TTC7B: variants seen among roughly 807,000 people sequenced by gnomAD.
TTC7B encodes tetratricopeptide repeat protein 7B.
Under a neutral mutation model 106.8 loss-of-function variants are expected in TTC7B, and 28 were observed. That is an observed-to-expected ratio of 0.26 (90% CI 0.19 to 0.36). The LOEUF is 0.36. Among genes scored for constraint, TTC7B ranks in the 10% least tolerant of loss-of-function variants. The pLI, the probability that TTC7B is intolerant of heterozygous loss-of-function variation, is 1.00. For synonymous variants in TTC7B, 405 were observed against 430.6 expected, an observed-to-expected ratio of 0.94 and a Z score of 0.74; for missense variants, 862 against 1,076.4, an observed-to-expected ratio of 0.80 and a Z score of 2.79.
intron 9 of TTC7B, chr14:90,675,068 CCCCTA>C (rs750974617): frequency 0.13 from 19,724 of 152,498 alleles, 1,535 homozygotes; most frequent in Middle Eastern, 0.19. Context: ...TGATGACCAC[CCCCTA>C]GAACGTTCAC....
chr14:90,640,289 G>A (rs1885119622), intron 15 of TTC7B, among the ~76,000 whole-genome samples: 1 of 151,574 alleles, frequency 6.6e-6, no homozygotes. Flanking sequence ...AAAAAAAAGA[G>A]AGAGAGAAAG....
At chr14:90,766,658 T>C in intron 3 of TTC7B, 1 of 1,247,276 alleles carries the variant, frequency 8.0e-7, no homozygotes, top group Non-Finnish European at 1.2e-6. Context: ...TATGTTCATG[T>C]GGTGTTGAGG....
chr14:90,677,459 C>T (rs1886884982), intron 8 of TTC7B, among the ~76,000 whole-genome samples: 2 of 152,228 alleles, frequency 1.3e-5, no homozygotes, highest in Admixed American at 1.3e-4. Context: ...TTTAATTTCT[C>T]TACAGATTCC....
At chr14:90,800,683 C>CGGGT in intron 1 of TTC7B, among the ~76,000 whole-genome samples, 1 of 152,054 alleles carries the variant, frequency 6.6e-6, no homozygotes, top group Non-Finnish European at 1.5e-5. Context: ...CAGTGGCGGA[C>CGGGT]GCCTGTAGTC....
intron 3 of TTC7B, among the ~76,000 whole-genome samples, chr14:90,780,393 AAGAG>A (rs753328169): frequency 2.0e-5 from 3 of 149,952 alleles, no homozygotes; most frequent in Non-Finnish European, 4.4e-5. Context: ...AAAAAAAAGA[AAGAG>A]AGAAAGAAAC....
chr14:90,606,300 A>G (rs1257784565), intron 17 of TTC7B, among the ~76,000 whole-genome samples: 1 of 152,116 alleles, frequency 6.6e-6, no homozygotes, highest in African/African-American at 2.4e-5. Flanking sequence ...GCACTTTGGG[A>G]AAAAAGCCGG....
intron 15 of TTC7B, among the ~76,000 whole-genome samples, chr14:90,623,754 C>T (rs1358774047): frequency 6.6e-6 from 1 of 152,220 alleles, no homozygotes; most frequent in Non-Finnish European, 1.5e-5. Flanking sequence ...GGCGCTGTGG[C>T]TCACGCCTGT....
intron 1 of TTC7B, among the ~76,000 whole-genome samples, chr14:90,795,862 T>C (rs913301445): frequency 6.6e-6 from 1 of 152,200 alleles, no homozygotes; most frequent in African/African-American, 2.4e-5. Flanking sequence ...AGCCCAGCCA[T>C]GCTGAGCTCA....
In TTC7B at chr14:90,654,894, A is replaced by T. The variant is rs1885880748; in HGVS notation, c.1459+99T>A. 3.1e-6 allele frequency: 3 copies of T among 963,330 alleles called. No individual in the cohort carries two copies. In the South Asian group the frequency reaches 4.2e-5, roughly 14 times the overall value. 59.7% of individuals were successfully genotyped at this position (963,330 alleles called of 1,614,324 possible). A position where few individuals can be genotyped will look rare whatever the true frequency, so the allele number is the denominator to read the frequency against. On this transcript the variant is annotated intron_variant, in intron 12 of 19. Coordinates refer to ENST00000328459, the MANE Select transcript of TTC7B (RefSeq NM_001010854.2). ...CACACCAGAATGCCCCAGCTTCTGC[A>T]CCCTCCTGAGACAGAAGGGGACTGT...
At chr14:90,617,558 G>C (rs1893136150) in intron 16 of TTC7B, among the ~76,000 whole-genome samples, 1 of 152,176 alleles carries the variant, frequency 6.6e-6, no homozygotes, top group African/African-American at 2.4e-5. Context: ...TATTGCTGCA[G>C]GAACCCCATC....
At chr14:90,740,648 C>T (rs952308500) in intron 4 of TTC7B, among the ~76,000 whole-genome samples, 1 of 151,786 alleles carries the variant, frequency 6.6e-6, no homozygotes, top group East Asian at 1.9e-4. Context: ...ATTACAGGCT[C>T]CTGCCACCAT....
At chr14:90,682,585 C>T (rs1265304923) in intron 7 of TTC7B, among the ~76,000 whole-genome samples, 4 of 152,202 alleles carry the variant, frequency 2.6e-5, no homozygotes, top group African/African-American at 9.7e-5. Flanking sequence ...TTGGGGCCTT[C>T]CTTTTGTGGC....
At chr14:90,646,560 C>T (rs1420950758) in intron 14 of TTC7B, among the ~76,000 whole-genome samples, 2 of 152,196 alleles carry the variant, frequency 1.3e-5, no homozygotes, top group Non-Finnish European at 2.9e-5. Flanking sequence ...AACCAGACGC[C>T]AATCAGGGCT....
chr14:90,639,546 TG>T (rs1428697070), intron 15 of TTC7B, among the ~76,000 whole-genome samples: 1 of 152,236 alleles, frequency 6.6e-6, no homozygotes, highest in Non-Finnish European at 1.5e-5. Flanking sequence ...CACCAAGTAT[TG>T]GTGTATGGAA....
chr14:90,775,608 C>G (rs1327577198), intron 3 of TTC7B, among the ~76,000 whole-genome samples: 1 of 152,070 alleles, frequency 6.6e-6, no homozygotes, highest in African/African-American at 2.4e-5. Context: ...ACAGGAGGAG[C>G]CCAGCTCCTC....
chr14:90,680,043 C>G (rs377328478), intron 8 of TTC7B, among the ~76,000 whole-genome samples: 2 of 152,360 alleles, frequency 1.3e-5, no homozygotes, highest in African/African-American at 4.8e-5. Flanking sequence ...ATAGATCCAA[C>G]AAATGACTTA....
intron 1 of TTC7B, among the ~76,000 whole-genome samples, chr14:90,790,853 T>G (rs1233640199): frequency 1.3e-5 from 2 of 151,848 alleles, no homozygotes; most frequent in South Asian, 4.2e-4. Flanking sequence ...AGAGGATGAG[T>G]AGGACCTGGG....
intron 19 of TTC7B, among the ~76,000 whole-genome samples, chr14:90,562,373 G>A (rs1890630088): frequency 3.3e-5 from 5 of 152,124 alleles, no homozygotes. Flanking sequence ...TCCCACCTTG[G>A]ACTGTCAACG....
At chr14:90,786,468 T>C (rs1891393491) in intron 1 of TTC7B, 140 bp from the exon 2 acceptor site, 1 of 913,696 alleles carries the variant, frequency 1.1e-6, no homozygotes, top group South Asian at 1.6e-5. Flanking sequence ...ATAGCCTTCA[T>C]AGGGTCTAAG....
Sources: gnomAD v4.1 joint callset for allele counts (sites outside exome capture counted in the v4.1 genomes callset) on GRCh38, gnomAD v4.1.1 for gene constraint, MANE v1.5 for transcripts, NCBI Gene and HGNC (gene_info 2026-07-23, HGNC 2026-07-21) for gene names.